The following UPP2 variants were observed in gnomAD, a reference collection of about 807,000 sequenced individuals.
UPP2 encodes UPase 2.
A neutral mutation model predicts 26.7 loss-of-function variants in UPP2; 23 were observed. That is an observed-to-expected ratio of 0.86 (90% CI 0.62 to 1.22). The LOEUF is 1.22. Among genes scored for constraint, UPP2 ranks in the 50% most tolerant of loss-of-function variants. UPP2 has a pLI of 0.00. For synonymous variants in UPP2, 127 were observed against 141.3 expected (o/e 0.90, Z 0.72); for missense variants, 387 against 396.7 (o/e 0.98, Z 0.21).
At chr2:158,106,604 A>G (rs1407519053) in intron 2 of UPP2, among the ~76,000 whole-genome samples, 1 of 152,220 alleles carries the variant, frequency 6.6e-6, no homozygotes, top group Non-Finnish European at 1.5e-5. Flanking sequence ...TAACCCAACA[A>G]AACTAACAAT....
At chr2:158,098,573 A>G (rs1244997258), upstream of UPP2, among the ~76,000 whole-genome samples, 7 of 152,176 alleles carry the variant, frequency 4.6e-5, no homozygotes, top group Non-Finnish European at 8.8e-5. Flanking sequence ...CATCACATAG[A>G]GCCAAGGGAT....
intron 3 of UPP2, among the ~76,000 whole-genome samples, chr2:158,027,385 G>A (rs898367563): frequency 1.3e-5 from 2 of 152,094 alleles, no homozygotes; most frequent in African/African-American, 4.8e-5. Context: ...AATCCAGCGG[G>A]GCAGTCAAAT....
intron 3 of UPP2, among the ~76,000 whole-genome samples, chr2:158,027,337 G>T (rs541306420): frequency 6.6e-6 from 1 of 152,230 alleles, no homozygotes; most frequent in African/African-American, 2.4e-5. Flanking sequence ...GAAGCAATTG[G>T]ACAAAACAAA....
chr2:158,035,160 T>C lies in UPP2; in HGVS notation c.147+19274T>C, dbSNP rs1294238455. On this transcript the variant is annotated intron_variant, in intron 3 of 9. Transcript: ENST00000605860. ...CCTCAGTTTAAGAGGATCAGAATCT[T>C]TTTTTTTTTTTTTCTGAGATGGAGT... is the stretch of plus-strand genomic sequence containing the variant. 2.1e-5 allele frequency among the ~76,000 whole-genome samples: 3 copies of C among 142,476 alleles called. No homozygotes were observed. The East Asian group carries it at 6.2e-4, about 30-fold the overall frequency. 93.5% of individuals were successfully genotyped at this position (142,476 alleles called of 152,430 possible).
At chr2:158,130,398 C>T (rs1683790058) in intron 6 of UPP2, among the ~76,000 whole-genome samples, 1 of 148,830 alleles carries the variant, frequency 6.7e-6, no homozygotes, top group South Asian at 2.2e-4. Context: ...TTGCAGTGAG[C>T]TGAGATTGCA....
At chr2:158,088,703 C>T (rs1682857960) in intron 3 of UPP2, among the ~76,000 whole-genome samples, 1 of 152,202 alleles carries the variant, frequency 6.6e-6, no homozygotes, top group Admixed American at 6.5e-5. Context: ...CCCCCTTCCT[C>T]TAGGGATGTG....
chr2:158,119,278 G>T (rs573368555), intron 4 of UPP2, among the ~76,000 whole-genome samples: 31 of 152,096 alleles, frequency 2.0e-4, no homozygotes, highest in African/African-American at 7.5e-4. Flanking sequence ...CTTGATTAGG[G>T]TATTTTATTT....
intron 4 of UPP2, among the ~76,000 whole-genome samples, chr2:158,119,990 GA>G (rs1396083364): frequency 3.4e-5 from 5 of 148,170 alleles, no homozygotes; most frequent in African/African-American, 1.2e-4. Flanking sequence ...CAGCCTGGGT[GA>G]CAGAGCAAGA....
intron 4 of UPP2, among the ~76,000 whole-genome samples, chr2:158,119,279 T>C (rs1017880732): frequency 2.6e-5 from 4 of 152,010 alleles, no homozygotes; most frequent in South Asian, 2.1e-4. Context: ...TTGATTAGGG[T>C]ATTTTATTTC....
intron 3 of UPP2, among the ~76,000 whole-genome samples, chr2:158,083,779 A>C (rs1448502377): frequency 6.7e-6 from 1 of 150,312 alleles, no homozygotes; most frequent in Non-Finnish European, 1.5e-5. Context: ...TTTATGGCTT[A>C]GTATTCCATG....
At chr2:158,129,581 A>G (rs1012801741) in intron 6 of UPP2, among the ~76,000 whole-genome samples, 12 of 151,848 alleles carry the variant, frequency 7.9e-5, no homozygotes, top group Non-Finnish European at 4.4e-5. Context: ...CACTCTCTCC[A>G]CTATTCCATA....
At chr2:158,099,683 C>G (rs1274894681), upstream of UPP2, among the ~76,000 whole-genome samples, 1 of 152,144 alleles carries the variant, frequency 6.6e-6, no homozygotes, top group African/African-American at 2.4e-5. Context: ...GGCCTAAATG[C>G]TATCCAGTTG....
At chr2:158,020,811 G>C (rs991921388) in intron 3 of UPP2, among the ~76,000 whole-genome samples, 1 of 152,210 alleles carries the variant, frequency 6.6e-6, no homozygotes, top group African/African-American at 2.4e-5. Context: ...AAGTGGAGCA[G>C]CTTAGTGTAA....
chr2:158,043,231 A>G (rs1204990957), intron 3 of UPP2, among the ~76,000 whole-genome samples: 1 of 152,208 alleles, frequency 6.6e-6, no homozygotes, highest in East Asian at 1.9e-4. Flanking sequence ...TCAACACTGT[A>G]CAAAAAGCCC....
At chr2:158,120,267 A>C (rs1683536363) in intron 4 of UPP2, among the ~76,000 whole-genome samples, 1 of 152,052 alleles carries the variant, frequency 6.6e-6, no homozygotes, top group South Asian at 2.1e-4. Context: ...TTCTATTGCA[A>C]CTTCTCAACT....
At chr2:158,108,212 G>C (rs1407764925) in intron 2 of UPP2, among the ~76,000 whole-genome samples, 1 of 152,114 alleles carries the variant, frequency 6.6e-6, no homozygotes, top group African/African-American at 2.4e-5. Flanking sequence ...CTATATATCA[G>C]ACTCTGTGTG....
chr2:158,027,314 G>A (rs865903100), intron 3 of UPP2, among the ~76,000 whole-genome samples: 2 of 152,156 alleles, frequency 1.3e-5, no homozygotes, highest in South Asian at 2.1e-4. Context: ...GGTAAATACA[G>A]CCATTCCAAA....
chr2:158,022,985 G>A (rs1213352054), intron 3 of UPP2, among the ~76,000 whole-genome samples: 2 of 152,088 alleles, frequency 1.3e-5, no homozygotes, highest in African/African-American at 2.4e-5. Context: ...GCACCTGGGG[G>A]CAATGATCTT....
chr2:158,058,785 T>G (rs1682303710), intron 3 of UPP2, among the ~76,000 whole-genome samples: 1 of 152,138 alleles, frequency 6.6e-6, no homozygotes, highest in Admixed American at 6.5e-5. Context: ...CCCTGGTTCC[T>G]TTTATTAGAG....
Sources: allele counts gnomAD v4.1 joint callset (sites outside exome capture counted in the v4.1 genomes callset), GRCh38; gene constraint gnomAD v4.1.1; transcripts MANE v1.5; gene names NCBI Gene and HGNC (gene_info 2026-07-23, HGNC 2026-07-21).